STK31: variants seen among roughly 807,000 people sequenced by gnomAD.
STK31 encodes the protein serine/threonine kinase 31, also known as serine/threonine-protein kinase 31.
In STK31, 89 loss-of-function variants were observed where a neutral mutation model predicts 129.7. That is an observed-to-expected ratio of 0.69 (90% CI 0.58 to 0.82). The LOEUF (loss-of-function observed/expected upper bound fraction) is 0.82, where lower values mean the gene tolerates loss of function less well. Ranked by LOEUF, STK31 falls within the 40% of genes least tolerant of loss-of-function variation. STK31 has a pLI of 0.00. For synonymous variants in STK31, 448 were observed against 395.3 expected, an observed-to-expected ratio of 1.13 and a Z score of -1.58; for missense variants, 1,187 against 1,176.4, an observed-to-expected ratio of 1.01 and a Z score of -0.13.
In STK31 at chr7:23,762,895, C is replaced by G; in HGVS notation, c.1388C>G (p.Ser463Cys). ...TTTATTCTGGAAGTTGATGAGTCATCTCTTAATAAACGCTTAAAAACATTG... is the reference window on the plus strand; with the variant it reads ...TTTATTCTGGAAGTTGATGAGTCATGTCTTAATAAACGCTTAAAAACATTG... ...EDFILEVDES[S>C]LNKRLKTLQD... is the part of the protein sequence containing the mutation. The change falls in exon 11 of 24, where the codon TCT (serine) becomes TGT (cysteine). Residue 463 changes from serine to cysteine, a missense_variant. Around this residue, in one of 5 missense-constraint regions of STK31, gnomAD observed 975 missense variants for 934.9 expected, o/e 1.04. Transcript: ENST00000355870. The G allele has an allele frequency of 6.2e-7, 1 of 1,601,244 alleles. No homozygotes were observed. The highest frequency in any genetic ancestry group is 1.1e-5 in the South Asian group (1 of 87,412).
intron 3 of STK31, among the ~76,000 whole-genome samples, chr7:23,716,826 T>G (rs1302457677): frequency 7.0e-6 from 1 of 142,170 alleles, no homozygotes; most frequent in Non-Finnish European, 1.5e-5. Flanking sequence ...CAAGACAGGG[T>G]CTCCGTCACC....
chr7:23,732,690 A>G (rs1284918389), intron 6 of STK31, among the ~76,000 whole-genome samples: 1 of 152,228 alleles, frequency 6.6e-6, no homozygotes, highest in Non-Finnish European at 1.5e-5. Context: ...CCTTTAGAAC[A>G]TTCAGCTTTA....
At chr7:23,723,155 C>G (rs1022890389) in intron 4 of STK31, among the ~76,000 whole-genome samples, 1 of 152,194 alleles carries the variant, frequency 6.6e-6, no homozygotes, top group African/African-American at 2.4e-5. Context: ...GTCGCTCACA[C>G]TGGGAGCTTC....
At chr7:23,832,093 TC>T in intron 23 of STK31, 42 bp from the exon 24 acceptor site, 1 of 1,393,624 alleles carries the variant, frequency 7.2e-7, no homozygotes, top group South Asian at 1.2e-5. Flanking sequence ...TACAGATTTG[TC>T]CTTTTGTTCC....
chr7:23,747,936 C>G (rs1768029297), intron 8 of STK31, among the ~76,000 whole-genome samples: 1 of 151,864 alleles, frequency 6.6e-6, no homozygotes, highest in South Asian at 2.1e-4. Flanking sequence ...GCTGGTTTTT[C>G]TCTCCTGATT....
Position 23,729,211 on chromosome 7 carries a change from C to T in STK31, c.445C>T (p.His149Tyr), listed in dbSNP as rs745739477. 1 of 1,608,290 alleles carries T rather than the reference C, an allele frequency of 6.2e-7. No individual in the cohort carries two copies. The highest frequency in any genetic ancestry group is 8.5e-7 in the Non-Finnish European group (1 of 1,178,654). The change falls in exon 6 of 24, where the codon CAC (histidine) becomes TAC (tyrosine). Residue 149 changes from histidine (H) to tyrosine (Y), a missense_variant. By Grantham distance (83) the His-to-Tyr change is moderately conservative (BLOSUM62 2). Around this residue, in one of 5 missense-constraint regions of STK31, gnomAD observed 103 missense variants for 110.4 expected, o/e 0.93. Transcript: ENST00000355870. The stretch of plus-strand genomic sequence containing the variant: ...CAAAAAGTATAAACTTTGGGGACTA[C>T]ACATTCCTTCTGATCAAGAAGTTAC... ...VAKKYKLWGLHIPSDQEVTQF... is the reference protein window; with the variant it reads ...VAKKYKLWGLYIPSDQEVTQF...
intron 22 of STK31, among the ~76,000 whole-genome samples, chr7:23,807,751 G>T (rs1407370845): frequency 6.6e-6 from 1 of 151,584 alleles, no homozygotes; most frequent in Admixed American, 6.6e-5. Context: ...AATGATGGTT[G>T]TTCAAATGGG....
intron 22 of STK31, among the ~76,000 whole-genome samples, chr7:23,809,369 C>A (rs570505652): frequency 6.6e-6 from 1 of 152,088 alleles, no homozygotes; most frequent in Admixed American, 6.6e-5. Flanking sequence ...ATCAATTCTC[C>A]ACTTAAATCC....
intron 23 of STK31, among the ~76,000 whole-genome samples, chr7:23,822,024 C>T (rs181322548): frequency 5.9e-5 from 9 of 152,156 alleles, no homozygotes; most frequent in Middle Eastern, 3.4e-3. Flanking sequence ...ACTAATAAAA[C>T]GCTGTGTTGG....
intron 23 of STK31, among the ~76,000 whole-genome samples, chr7:23,819,051 T>C (rs1156391105): frequency 2.0e-5 from 3 of 152,234 alleles, no homozygotes; most frequent in African/African-American, 7.2e-5. Context: ...ATAAACTTTT[T>C]AAGTCAACTT....
intron 23 of STK31, among the ~76,000 whole-genome samples, chr7:23,827,765 G>A (rs1181636509): frequency 6.6e-6 from 1 of 152,032 alleles, no homozygotes; most frequent in African/African-American, 2.4e-5. Context: ...CGTACAGATG[G>A]GTTTTTGGTG....
At position 23,710,385 on chromosome 7, in the gene STK31, A is replaced by C. The variant is rs201368088; in HGVS notation, c.50+50A>C. ...TGCAGTGGTGGCCGCTTCAAGGACT[A>C]TTTTCGTCGCTGCTTGCGTTTTAAG... is the stretch of plus-strand genomic sequence containing the variant. On this transcript the variant is annotated intron_variant, in intron 1 of 23. Coordinates refer to ENST00000355870, the MANE Select transcript of STK31 (RefSeq NM_031414.5). 1.9e-6 allele frequency: 3 copies of C among 1,612,514 alleles called. No homozygotes were observed. The Admixed American group carries it at 5.0e-5, about 27-fold the overall frequency.
chr7:23,828,838 G>A (rs1794356970), intron 23 of STK31, among the ~76,000 whole-genome samples: 2 of 152,180 alleles, frequency 1.3e-5, no homozygotes, highest in African/African-American at 4.8e-5. Context: ...AGTGGTGAAA[G>A]TGGAGATCCT....
chr7:23,826,783 G>A (rs908354697), intron 23 of STK31, among the ~76,000 whole-genome samples: 2 of 152,164 alleles, frequency 1.3e-5, no homozygotes, highest in African/African-American at 2.4e-5. Context: ...TTTTAGGGCA[G>A]GTCTGGTGGT....
At chr7:23,742,674 A>G (rs970561525) in intron 8 of STK31, among the ~76,000 whole-genome samples, 3 of 152,192 alleles carry the variant, frequency 2.0e-5, no homozygotes, top group Non-Finnish European at 1.5e-5. Context: ...GTTTCTGGCT[A>G]GGCATGCTTC....
At chr7:23,791,331 A>G (rs12374932) in intron 22 of STK31, 177,950 of 983,296 alleles carry the variant, frequency 0.18, 16,665 homozygotes, top group Admixed American at 0.29. Context: ...AAGAAGTTGG[A>G]TGGAGCTGGA....
At chr7:23,807,650 T>C (rs1792792129) in intron 22 of STK31, among the ~76,000 whole-genome samples, 1 of 152,098 alleles carries the variant, frequency 6.6e-6, no homozygotes, top group Admixed American at 6.5e-5. Flanking sequence ...CCCTTTCTCC[T>C]CTTTTTCTAG....
intron 10 of STK31, among the ~76,000 whole-genome samples, chr7:23,760,052 G>A (rs942236978): frequency 6.6e-6 from 1 of 152,044 alleles, no homozygotes; most frequent in Admixed American, 6.6e-5. Context: ...TGTGAGTAGG[G>A]GTGTGAAAAT....
chr7:23,719,688 C>G (rs1786570159), intron 4 of STK31, among the ~76,000 whole-genome samples: 1 of 152,092 alleles, frequency 6.6e-6, no homozygotes, highest in Non-Finnish European at 1.5e-5. Flanking sequence ...TGGTATAAAA[C>G]AGATACCTTC....
Sources: gnomAD v4.1 joint callset for allele counts (sites outside exome capture counted in the v4.1 genomes callset) on GRCh38, gnomAD v4.1.1 for gene constraint, gnomAD v4.1.1 regional missense constraint, MANE v1.5 for transcripts, NCBI Gene and HGNC (gene_info 2026-07-23, HGNC 2026-07-21) for gene names.